Variants in EPHB2 observed in about 807,000 individuals in gnomAD.
EPHB2 encodes EPH receptor B2.
In EPHB2, 18 loss-of-function variants were observed where a neutral mutation model predicts 96.4. The ratio of observed to expected loss-of-function variants is 0.19; its 90% CI spans 0.13 to 0.28. The LOEUF is 0.28. EPHB2 is among the 10% of genes least tolerant of loss of function. The probability of loss-of-function intolerance (pLI) is 1.00; values close to 1 mark genes in which losing one functional copy is unlikely to be tolerated. For synonymous variants in EPHB2, 506 were observed against 534.1 expected (o/e 0.95, Z 0.72); for missense variants, 989 against 1,355.4 (o/e 0.73, Z 4.25).
chr1:22,891,054 C>T (rs2148563673), intron 6 of EPHB2: 7 of 455,986 alleles, frequency 1.5e-5, no homozygotes, highest in South Asian at 1.1e-4. Flanking sequence ...CAGTGTGAGC[C>T]TGTTATACCT....
chr1:22,733,818 G>T lies in EPHB2; in HGVS notation c.61+22775G>T, dbSNP rs1643766938. On this transcript the variant is annotated intron_variant, in intron 1 of 15. Transcript: ENST00000374630. This position sits in a 1 kb window ranked among gnomAD's most constrained non-coding sequence, Gnocchi z 4.6. ...AAGTTGAACCCGGGACTGGATTCTT[G>T]GCCTGGTATGATTTGGTGGGGACAG... 6.6e-6 allele frequency among the ~76,000 whole-genome samples: 1 copy of T among 151,990 alleles called. No homozygotes were observed. The highest frequency in any genetic ancestry group is 6.6e-5 in the Admixed American group (1 of 15,242).
intron 1 of EPHB2, among the ~76,000 whole-genome samples, chr1:22,770,734 T>C (rs954891982): frequency 6.6e-6 from 1 of 152,152 alleles, no homozygotes; most frequent in Non-Finnish European, 1.5e-5. Context: ...CTGAAGGTTA[T>C]TTCCCCCATC....
rs768013471 is a variant in EPHB2 at position 22,913,526 on chromosome 1, G to A, written c.2917G>A (p.Val973Met). 5 of 1,614,220 alleles carry A rather than the reference G, an allele frequency of 3.1e-6. No individual in the cohort carries two copies. The East Asian group carries it at 1.1e-4, about 36-fold the overall frequency. Residue 973 changes from valine to methionine, a missense_variant, in exon 16 of 16, where the codon GTG (valine) becomes ATG (methionine). By Grantham distance (21) the Val-to-Met change is conservative. Coordinates refer to ENST00000374630, the MANE Select transcript of EPHB2 (RefSeq NM_017449.5). This position sits in a 1 kb window ranked among gnomAD's most constrained non-coding sequence, Gnocchi z 4.1. ...GAAAAAAATCCTGAACAGTATCCAG[G>A]TGATGCGGGCGCAGATGAACCAGAT... is the stretch of plus-strand genomic sequence containing the variant. ...HQKKILNSIQ[V>M]MRAQMNQIQS...
chr1:22,796,924 T>C (rs1198793356), intron 3 of EPHB2, among the ~76,000 whole-genome samples: 1 of 152,234 alleles, frequency 6.6e-6, no homozygotes, highest in African/African-American at 2.4e-5. Flanking sequence ...ACACAGCTAA[T>C]GGACAGAGGA....
At chr1:22,894,205 G>A (rs1639480820) in intron 7 of EPHB2, among the ~76,000 whole-genome samples, 1 of 152,152 alleles carries the variant, frequency 6.6e-6, no homozygotes, top group South Asian at 2.1e-4. Flanking sequence ...AACAAATGTG[G>A]CTGAGGCCTT....
intron 5 of EPHB2, among the ~76,000 whole-genome samples, chr1:22,876,473 T>A (rs1002434): frequency 6.6e-6 from 1 of 152,156 alleles, no homozygotes; most frequent in East Asian, 1.9e-4. Flanking sequence ...TGAACTCCCC[T>A]CTGGGGTTCA....
At position 22,775,560 on chromosome 1, in the gene EPHB2, C is replaced by G. The variant is rs113433367; in HGVS notation, c.62-5861C>G. On this transcript the variant is annotated intron_variant, in intron 1 of 15. Coordinates refer to ENST00000374630, the MANE Select transcript of EPHB2 (RefSeq NM_017449.5). ...AGAGCAGGCAGGCCCCCTGCAGCCA[C>G]CTCCTTTCAGCCCAACGCTAACGAC... 2.0e-4 allele frequency among the ~76,000 whole-genome samples: 31 copies of G among 152,374 alleles called. 1 individual carries two copies. Among genetic ancestry groups the G allele is most frequent in the African/African-American group, 7.0e-4 (29 of 41,586 alleles).
In EPHB2 at chr1:22,874,606, G is replaced by A. The variant is rs573589169; in HGVS notation, c.1304-7753G>A. Among the ~76,000 whole-genome samples the A allele has an allele frequency of 7.9e-5, 12 of 152,178 alleles. No individual in the cohort carries two copies. The South Asian group carries it at 2.1e-3, about 26-fold the overall frequency. On this transcript the variant is annotated intron_variant, in intron 5 of 15. Coordinates refer to ENST00000374630, the MANE Select transcript of EPHB2 (RefSeq NM_017449.5). ...GCCTGGGGTGTGGGGGCATCCTGTC[G>A]GTCTCTTCCTTTCCTCATTGGTAAA...
chr1:22,770,991 G>A (rs1644373564), intron 1 of EPHB2, among the ~76,000 whole-genome samples: 1 of 152,178 alleles, frequency 6.6e-6, no homozygotes, highest in Non-Finnish European at 1.5e-5. Flanking sequence ...AGCGCAGTAA[G>A]TACTTTGGAT....
chr1:22,896,557 ACCT>A, intron 9 of EPHB2, 79 bp downstream of exon 9: 1 of 1,573,566 alleles, frequency 6.4e-7, no homozygotes. Flanking sequence ...GCCATCTTTG[ACCT>A]CCTTCTGCCA....
chr1:22,911,165 A>G (rs1042809107), intron 14 of EPHB2, among the ~76,000 whole-genome samples: 1 of 151,576 alleles, frequency 6.6e-6, no homozygotes, highest in African/African-American at 2.4e-5. Flanking sequence ...TAAATAAATA[A>G]ATAAATAAAT....
chr1:22,824,539 G>A (rs769930837), intron 3 of EPHB2, among the ~76,000 whole-genome samples: 9 of 152,128 alleles, frequency 5.9e-5, no homozygotes, highest in Non-Finnish European at 1.3e-4. Context: ...GACAAAGGGA[G>A]TAGGCAGATA....
At chr1:22,781,372 C>A in intron 1 of EPHB2, 49 bp from the exon 2 acceptor site, 1 of 1,541,652 alleles carries the variant, frequency 6.5e-7, no homozygotes, top group Non-Finnish European at 9.0e-7. Context: ...GAAAGATTGA[C>A]AGCGCCTGGT....
At chr1:22,768,676 A>G (rs1644338006) in intron 1 of EPHB2, among the ~76,000 whole-genome samples, 1 of 150,882 alleles carries the variant, frequency 6.6e-6, no homozygotes, top group South Asian at 2.1e-4. Flanking sequence ...GGTAACAGAG[A>G]GAGATCCTGT....
chr1:22,826,956 C>T (rs1200393378), intron 3 of EPHB2, among the ~76,000 whole-genome samples: 1 of 152,162 alleles, frequency 6.6e-6, no homozygotes, highest in East Asian at 1.9e-4. Flanking sequence ...TCCCACAGTC[C>T]CCTCCCCCTG....
chr1:22,727,738 C>A (rs1033269446), intron 1 of EPHB2, among the ~76,000 whole-genome samples: 15 of 139,026 alleles, frequency 1.1e-4, no homozygotes, highest in Admixed American at 5.9e-4. Context: ...ATTTTCTTTT[C>A]TTTTCTTTTT....
intron 1 of EPHB2, among the ~76,000 whole-genome samples, chr1:22,773,152 C>T (rs865950904): frequency 7.9e-5 from 12 of 152,200 alleles, no homozygotes; most frequent in South Asian, 2.1e-4. Context: ...CTCAAAACAA[C>T]GCAGTGAAGT....
intron 1 of EPHB2, among the ~76,000 whole-genome samples, chr1:22,763,104 G>A (rs1238859537): frequency 6.6e-6 from 1 of 152,204 alleles, no homozygotes; most frequent in Non-Finnish European, 1.5e-5. Context: ...CAGGATCTGA[G>A]TGGTCTGAGA....
rs1407622614 is a variant in EPHB2 at position 22,914,118 on chromosome 1, T to C, written c.*548T>C. 3.3e-5 allele frequency: 16 copies of C among 486,836 alleles called. No individual in the cohort carries two copies. The East Asian group carries it at 5.4e-4, about 16-fold the overall frequency. 30.2% of individuals were successfully genotyped at this position (486,836 alleles called of 1,614,324 possible). ...CACCCTGAGAACCCCTCTGGGAAAA[T>C]CTATTCCTGCCACCACTGGGCAAAC... On this transcript the variant is annotated 3_prime_UTR_variant, in exon 16 of 16. Coordinates refer to ENST00000374630, the MANE Select transcript of EPHB2 (RefSeq NM_017449.5).
Sources: allele counts gnomAD v4.1 joint callset (sites outside exome capture counted in the v4.1 genomes callset), GRCh38; gene constraint gnomAD v4.1.1; non-coding constraint Gnocchi (gnomAD v3.1); transcripts MANE v1.5; gene names NCBI Gene and HGNC (gene_info 2026-07-23, HGNC 2026-07-21).